The following NFIA variants were observed in gnomAD, a reference collection of about 807,000 sequenced individuals.
The protein encoded by NFIA is nuclear factor 1 A-type.
Under a neutral mutation model 62.8 loss-of-function variants are expected in NFIA, and 8 were observed. That is an observed-to-expected ratio of 0.13 (90% confidence interval 0.07 to 0.23). The LOEUF (loss-of-function observed/expected upper bound fraction) is 0.23. Among genes scored for constraint, NFIA ranks in the 10% least tolerant of loss-of-function variants. The pLI is 1.00. For synonymous variants in NFIA, 235 were observed against 238.1 expected (o/e 0.99, Z 0.12); for missense variants, 410 against 642.1 (o/e 0.64, Z 3.91).
chr1:61,148,507 A>G (rs1648170375), intron 2 of NFIA, among the ~76,000 whole-genome samples: 1 of 152,098 alleles, frequency 6.6e-6, no homozygotes. Context: ...TTTGTTTTTC[A>G]TATCTCTATG....
intron 4 of NFIA, among the ~76,000 whole-genome samples, chr1:61,351,453 G>T (rs557932114): frequency 1.5e-4 from 23 of 152,108 alleles, no homozygotes; most frequent in Non-Finnish European, 3.1e-4. Flanking sequence ...ATCAAATCAT[G>T]TGGGCTTAGC....
intron 2 of NFIA, among the ~76,000 whole-genome samples, chr1:61,170,918 AAAAAG>A (rs1396921977): frequency 2.6e-5 from 4 of 152,336 alleles, no homozygotes; most frequent in Middle Eastern, 6.8e-3. Flanking sequence ...TTCATAAAAA[AAAAAG>A]AGACATTCTT....
chr1:61,172,756 TACAA>T (rs1006922171), intron 2 of NFIA, among the ~76,000 whole-genome samples: 2 of 152,242 alleles, frequency 1.3e-5, no homozygotes, highest in African/African-American at 4.8e-5. Context: ...TAATTTATTT[TACAA>T]ACAGTGTCCT....
chr1:61,106,700 A>G (rs1213740594), intron 2 of NFIA, among the ~76,000 whole-genome samples: 1 of 151,652 alleles, frequency 6.6e-6, no homozygotes, highest in East Asian at 1.9e-4. Flanking sequence ...ATATATATGT[A>G]ACTTATAACA....
At chr1:61,268,995 A>G (rs537556003) in intron 2 of NFIA, among the ~76,000 whole-genome samples, 3 of 152,082 alleles carry the variant, frequency 2.0e-5, no homozygotes, top group African/African-American at 7.2e-5. Context: ...AAGCTTCTGC[A>G]TTTTGTCTGA....
At chr1:61,257,643 G>A (rs1162593851) in intron 2 of NFIA, among the ~76,000 whole-genome samples, 3 of 151,886 alleles carry the variant, frequency 2.0e-5, no homozygotes, top group Non-Finnish European at 4.4e-5. Flanking sequence ...CAGCTCTACT[G>A]AGTTCGTAAG....
At chr1:61,369,703 G>A (rs565235479) in intron 6 of NFIA, among the ~76,000 whole-genome samples, 7 of 151,864 alleles carry the variant, frequency 4.6e-5, no homozygotes, top group African/African-American at 9.7e-5. Flanking sequence ...ATATATAAGC[G>A]TTTTATAAGT....
chr1:61,397,518 C>T (rs956884729), intron 7 of NFIA, among the ~76,000 whole-genome samples: 3 of 152,144 alleles, frequency 2.0e-5, no homozygotes, highest in African/African-American at 7.2e-5. Flanking sequence ...TCAATGTATT[C>T]ATTGCCTATC....
At chr1:61,258,039 C>T (rs1656537139) in intron 2 of NFIA, among the ~76,000 whole-genome samples, 1 of 151,992 alleles carries the variant, frequency 6.6e-6, no homozygotes, top group African/African-American at 2.4e-5. Flanking sequence ...ATCATGTATA[C>T]TATGTGCCTT....
At position 61,456,739 on chromosome 1, in the gene NFIA, G is replaced by T. The variant is rs1224286622; in HGVS notation, c.*1419G>T. The T allele has an allele frequency of 7.0e-6, 1 of 142,386 alleles. No homozygotes were observed. Among genetic ancestry groups the T allele is most frequent in the Non-Finnish European group, 1.5e-5 (1 of 66,728 alleles). The allele number at this position is 142,386 out of a possible 1,614,324, so 8.8% of individuals were successfully genotyped here. A position where few individuals can be genotyped will look rare whatever the true frequency, so the allele number is the denominator to read the frequency against. On this transcript the variant is annotated 3_prime_UTR_variant, in exon 11 of 11. Coordinates refer to ENST00000403491, the MANE Select transcript of NFIA (RefSeq NM_001134673.4). ...AATGCTGGTGCCCATTCAGATCAAG[G>T]GTACTTGTTAGGGAAAAAAAAAAAA...
upstream of NFIA, among the ~76,000 whole-genome samples, chr1:61,081,335 C>G (rs922883967): frequency 3.3e-5 from 5 of 151,596 alleles, no homozygotes; most frequent in African/African-American, 1.2e-4. Flanking sequence ...TCTGCCAAAA[C>G]AATACTTTAG....
chr1:61,287,487 A>C (rs1346893236), intron 3 of NFIA, among the ~76,000 whole-genome samples: 1 of 152,114 alleles, frequency 6.6e-6, no homozygotes. Context: ...TACATTCACC[A>C]TGAAGGTGGA....
chr1:61,077,501 T>G (rs1198014266), upstream of NFIA: 6 of 879,118 alleles, frequency 6.8e-6, no homozygotes, highest in African/African-American at 1.0e-4. Flanking sequence ...TTAAAAAATC[T>G]CTTCCGGGTT....
chr1:61,249,418 C>T lies in NFIA; in HGVS notation c.560-28102C>T, dbSNP rs192051754. 2.8e-4 allele frequency among the ~76,000 whole-genome samples: 42 copies of T among 152,284 alleles called. No homozygotes were observed. The East Asian group carries it at 7.9e-3, about 29-fold the overall frequency. ...AGCCAACACGTTTTTTAAGTGTCTT[C>T]TTTACGCTTAACATGGGTATTTGCT... On this transcript the variant is annotated intron_variant, in intron 2 of 10. Coordinates refer to ENST00000403491, the MANE Select transcript of NFIA (RefSeq NM_001134673.4).
intron 9 of NFIA, among the ~76,000 whole-genome samples, chr1:61,410,718 G>C (rs370531073): frequency 1.3e-5 from 2 of 151,952 alleles, no homozygotes; most frequent in Admixed American, 1.3e-4. Flanking sequence ...ACCAGCCTGG[G>C]CAATGTGGTG....
In NFIA at chr1:61,088,728, T is replaced by C. The variant is rs1321723947; in HGVS notation, c.559+48T>C. The C allele has an allele frequency of 6.4e-7, 1 of 1,565,650 alleles. No homozygotes were observed. Among genetic ancestry groups the C allele is most frequent in the Non-Finnish European group, 8.6e-7 (1 of 1,157,740 alleles). On this transcript the variant is annotated intron_variant, in intron 2 of 10. Coordinates refer to ENST00000403491, the MANE Select transcript of NFIA (RefSeq NM_001134673.4). This position sits in a 1 kb window ranked among gnomAD's most constrained non-coding sequence, Gnocchi z 4.5. ...CTCCCACTTTCTTGTGTGTGTTTCT[T>C]TCCTGATGGCCTCCGCGTTATGCCG... is the stretch of plus-strand genomic sequence containing the variant.
intron 2 of NFIA, among the ~76,000 whole-genome samples, chr1:61,168,147 G>A (rs1253353615): frequency 6.6e-6 from 1 of 152,018 alleles, no homozygotes; most frequent in Non-Finnish European, 1.5e-5. Flanking sequence ...TGTTAACTTG[G>A]GGCATTAATA....
chr1:61,359,068 T>C (rs1336127433), intron 5 of NFIA, 79 bp from the exon 6 acceptor site: 4 of 1,560,970 alleles, frequency 2.6e-6, no homozygotes, highest in Non-Finnish European at 3.5e-6. Context: ...TCCCTTGGCT[T>C]TCTTTCAACC....
intron 2 of NFIA, among the ~76,000 whole-genome samples, chr1:61,108,333 G>T (rs1356965572): frequency 2.0e-5 from 3 of 151,318 alleles, no homozygotes; most frequent in Non-Finnish European, 4.4e-5. Context: ...TTTTCACCAG[G>T]TTTTGAACAC....
Sources: allele counts gnomAD v4.1 joint callset (sites outside exome capture counted in the v4.1 genomes callset), GRCh38; gene constraint gnomAD v4.1.1; non-coding constraint Gnocchi (gnomAD v3.1); transcripts MANE v1.5; gene names NCBI Gene and HGNC (gene_info 2026-07-23, HGNC 2026-07-21).